Variants in DNAH3 observed in about 807,000 individuals in gnomAD.
DNAH3 encodes dynein axonemal heavy chain 3, also known as axonemal beta dynein heavy chain 3.
A neutral mutation model predicts 432.5 loss-of-function variants in DNAH3; 332 were observed. The ratio of observed to expected loss-of-function variants is 0.77; its 90% CI spans 0.70 to 0.84. DNAH3 has a LOEUF of 0.84. Ranked by LOEUF, DNAH3 falls within the 40% of genes least tolerant of loss-of-function variation. The pLI is 0.00. For missense variants in DNAH3, 4,861 were observed against 5,114.0 expected, an observed-to-expected ratio of 0.95 and a Z score of 1.51; for synonymous variants, 1,956 against 1,900.2, an observed-to-expected ratio of 1.03 and a Z score of -0.76.
At chr16:21,056,804 C>G (rs1396833637) in intron 27 of DNAH3, among the ~76,000 whole-genome samples, 1 of 152,100 alleles carries the variant, frequency 6.6e-6, no homozygotes, top group Non-Finnish European at 1.5e-5. Flanking sequence ...GAATCCACCT[C>G]CATCACAAAA....
chr16:21,003,026 CTG>C, intron 42 of DNAH3, 76 bp downstream of exon 42: 1 of 975,794 alleles, frequency 1.0e-6, no homozygotes, highest in East Asian at 2.4e-5. Flanking sequence ...CTCGCAAAGA[CTG>C]TTAATTCTTC....
intron 18 of DNAH3, among the ~76,000 whole-genome samples, chr16:21,090,388 C>G (rs1177697113): frequency 7.2e-6 from 1 of 139,746 alleles, no homozygotes; most frequent in East Asian, 1.9e-4. Context: ...AAAAAAAAAC[C>G]CTACAGACCA....
At chr16:20,969,084 CTCTG>C (rs779973790) in intron 52 of DNAH3, among the ~76,000 whole-genome samples, 22 of 110,728 alleles carry the variant, frequency 2.0e-4, no homozygotes, top group Middle Eastern at 8.7e-3. Context: ...CTTTTTCTTT[CTCTG>C]TGTGTGTGTG....
At chr16:20,985,833 A>C in intron 47 of DNAH3, 118 bp from the exon 48 acceptor site, 1 of 995,986 alleles carries the variant, frequency 1.0e-6, no homozygotes. Context: ...ACATCCTTCA[A>C]GGTCATGGGT....
intron 3 of DNAH3, among the ~76,000 whole-genome samples, chr16:21,144,224 C>T (rs1246824675): frequency 5.9e-5 from 9 of 152,136 alleles, no homozygotes; most frequent in Non-Finnish European, 1.3e-4. Flanking sequence ...TGAGTATGGG[C>T]TAGAACTAGT....
intron 18 of DNAH3, among the ~76,000 whole-genome samples, chr16:21,091,171 T>C (rs918072007): frequency 6.6e-6 from 1 of 151,938 alleles, no homozygotes; most frequent in Non-Finnish European, 1.5e-5. Context: ...ATAATAATAA[T>C]GTCTTGTATA....
At chr16:20,965,504 T>A in intron 52 of DNAH3, 79 bp from the exon 53 acceptor site, 1 of 1,241,472 alleles carries the variant, frequency 8.1e-7, no homozygotes, top group Non-Finnish European at 1.1e-6. Flanking sequence ...TTACTGCTGG[T>A]ATTTGAGAAA....
intron 20 of DNAH3, among the ~76,000 whole-genome samples, chr16:21,077,351 C>T (rs745511353): frequency 2.6e-5 from 4 of 151,920 alleles, no homozygotes; most frequent in African/African-American, 4.8e-5. Context: ...TTAGTAGAGA[C>T]GGGGTTTCAC....
At chr16:21,027,671 C>G (rs2088642728) in intron 37 of DNAH3, among the ~76,000 whole-genome samples, 1 of 152,214 alleles carries the variant, frequency 6.6e-6, no homozygotes, top group South Asian at 2.1e-4. Context: ...AAAACCCTGT[C>G]TCTACTAAAA....
At chr16:21,084,593 A>G (rs112958008) in intron 19 of DNAH3, among the ~76,000 whole-genome samples, 139 of 152,184 alleles carry the variant, frequency 9.1e-4, no homozygotes, top group African/African-American at 3.3e-3. Flanking sequence ...AAGTCCTGGG[A>G]TTATAGGCGT....
intron 54 of DNAH3, among the ~76,000 whole-genome samples, chr16:20,956,309 C>T (rs2084563339): frequency 6.6e-6 from 1 of 152,176 alleles, no homozygotes. Context: ...GTTAGAAAGT[C>T]TGATCCTACA....
chr16:20,946,226 A>G (rs907603196), intron 57 of DNAH3, among the ~76,000 whole-genome samples: 1 of 152,174 alleles, frequency 6.6e-6, no homozygotes, highest in African/African-American at 2.4e-5. Context: ...CATCTGCATG[A>G]TAAAACTTGG....
chr16:21,066,707 G>A (rs1052904158), intron 24 of DNAH3, among the ~76,000 whole-genome samples: 6 of 152,126 alleles, frequency 3.9e-5, no homozygotes, highest in Non-Finnish European at 7.4e-5. Flanking sequence ...TTATGCAGAA[G>A]ATTGGTTCTT....
At chr16:20,951,427 ACTT>A (rs2084302794) in intron 56 of DNAH3, among the ~76,000 whole-genome samples, 1 of 149,542 alleles carries the variant, frequency 6.7e-6, no homozygotes, top group African/African-American at 2.5e-5. Flanking sequence ...CTCTTGTTGA[ACTT>A]ATTACTATGT....
At chr16:20,943,727 T>C (rs918250831) in intron 58 of DNAH3, among the ~76,000 whole-genome samples, 1 of 152,110 alleles carries the variant, frequency 6.6e-6, no homozygotes, top group Non-Finnish European at 1.5e-5. Context: ...ACGCCTGTAA[T>C]CCCAGCACTT....
chr16:21,013,872 A>G (rs1371952180), intron 41 of DNAH3, among the ~76,000 whole-genome samples: 1 of 152,214 alleles, frequency 6.6e-6, no homozygotes, highest in African/African-American at 2.4e-5. Context: ...CATGATTTAC[A>G]TGATTCACAT....
intron 7 of DNAH3, among the ~76,000 whole-genome samples, chr16:21,131,599 C>T (rs572017456): frequency 7.9e-5 from 12 of 152,034 alleles, no homozygotes; most frequent in Admixed American, 3.9e-4. Context: ...CCTGTAATCC[C>T]AGCACTTTGG....
rs997937842 is a variant in DNAH3 at position 20,982,931 on chromosome 16, T to C, written c.7666-17A>G. On this transcript the variant is annotated splice_polypyrimidine_tract_variant and intron_variant, in intron 48 of 61. Coordinates refer to ENST00000261383, the Ensembl canonical transcript of DNAH3. ...GTTAATTACCTTCCTCCAAGGCAGG[T>C]GGACCCAAGGAGGCAGGCGGGTATT... The C allele has an allele frequency of 5.0e-6, 8 of 1,609,074 alleles. 1 individual carries two copies. Among genetic ancestry groups the C allele is most frequent in the Admixed American group, 1.7e-5 (1 of 59,888 alleles).
intron 52 of DNAH3, among the ~76,000 whole-genome samples, chr16:20,969,495 G>C (rs944883180): frequency 2.0e-5 from 3 of 152,094 alleles, no homozygotes; most frequent in African/African-American, 7.2e-5. Context: ...TCCACACCAA[G>C]CCTTTTGTCT....
Sources: allele counts gnomAD v4.1 joint callset (sites outside exome capture counted in the v4.1 genomes callset), GRCh38; gene constraint gnomAD v4.1.1; transcripts MANE v1.5; gene names NCBI Gene and HGNC (gene_info 2026-07-23, HGNC 2026-07-21).